The following EDIL3 variants were observed in gnomAD, a reference collection of about 807,000 sequenced individuals.
The protein encoded by EDIL3 is EGF-like repeat and discoidin I-like domain-containing protein 3.
In EDIL3, 37 loss-of-function variants were observed where a neutral mutation model predicts 67.4. The observed-to-expected ratio is 0.55, with a 90% CI of 0.42 to 0.72. The LOEUF (loss-of-function observed/expected upper bound fraction) is 0.72. Ranked by LOEUF, EDIL3 falls within the 30% of genes least tolerant of loss-of-function variation. The pLI, the probability that EDIL3 is intolerant of heterozygous loss-of-function variation, is 0.00. For synonymous variants in EDIL3, 195 were observed against 196.3 expected, an observed-to-expected ratio of 0.99 and a Z score of 0.05; for missense variants, 527 against 586.3, an observed-to-expected ratio of 0.90 and a Z score of 1.04.
intron 2 of EDIL3, among the ~76,000 whole-genome samples, chr5:84,248,131 T>A (rs2112068533): frequency 6.6e-6 from 1 of 152,234 alleles, no homozygotes; most frequent in Admixed American, 6.5e-5. Flanking sequence ...AATAGACAAA[T>A]GTTTGTTTTA....
chr5:84,181,404 C>A (rs897691556), intron 3 of EDIL3, among the ~76,000 whole-genome samples: 1 of 152,168 alleles, frequency 6.6e-6, no homozygotes, highest in East Asian at 1.9e-4. Context: ...GCTAGCTGGG[C>A]CAGTCGTGCC....
intron 5 of EDIL3, among the ~76,000 whole-genome samples, chr5:84,136,598 T>A (rs1748097617): frequency 6.6e-6 from 1 of 152,202 alleles, no homozygotes; most frequent in Admixed American, 6.5e-5. Flanking sequence ...ATAAGACAAA[T>A]AAATAGTGTG....
chr5:84,332,765 G>C (rs1455383285), intron 1 of EDIL3, among the ~76,000 whole-genome samples: 1 of 151,950 alleles, frequency 6.6e-6, no homozygotes, highest in Non-Finnish European at 1.5e-5. Flanking sequence ...TTATATTTAA[G>C]GTGCAAACAA....
At chr5:83,960,118 T>C (rs1367624927) in intron 10 of EDIL3, among the ~76,000 whole-genome samples, 1 of 151,040 alleles carries the variant, frequency 6.6e-6, no homozygotes, top group Non-Finnish European at 1.5e-5. Flanking sequence ...GCTTTTATCT[T>C]AGGCTTTTCT....
chr5:84,295,791 C>T (rs1375323763), intron 1 of EDIL3, among the ~76,000 whole-genome samples: 2 of 152,098 alleles, frequency 1.3e-5, no homozygotes, highest in East Asian at 3.8e-4. Context: ...GTTATACACA[C>T]ACCATTTGCT....
intron 2 of EDIL3, among the ~76,000 whole-genome samples, chr5:84,238,202 C>T (rs577593647): frequency 4.5e-4 from 68 of 151,930 alleles, no homozygotes; most frequent in African/African-American, 1.4e-3. Context: ...CATATGGTTA[C>T]AGTTATTTCA....
chr5:83,965,283 T>C (rs1380576663), intron 9 of EDIL3, among the ~76,000 whole-genome samples: 2 of 152,116 alleles, frequency 1.3e-5, no homozygotes, highest in Non-Finnish European at 2.9e-5. Context: ...CCTGGATTCA[T>C]AGTATTAGTA....
At chr5:84,229,034 C>A (rs1189245699) in intron 3 of EDIL3, among the ~76,000 whole-genome samples, 2 of 152,162 alleles carry the variant, frequency 1.3e-5, no homozygotes, top group Non-Finnish European at 2.9e-5. Flanking sequence ...CAACCACTAA[C>A]TGCCTACCTC....
chr5:84,080,115 C>CAAAAAAA (rs10566347), intron 6 of EDIL3, among the ~76,000 whole-genome samples: 70 of 52,964 alleles, frequency 1.3e-3, no homozygotes, highest in Non-Finnish European at 1.9e-3. Context: ...ACTAAAAATA[C>CAAAAAAA]AAAAAAAAAA....
chr5:84,287,128 T>C (rs1039354718), intron 1 of EDIL3, among the ~76,000 whole-genome samples: 1 of 152,168 alleles, frequency 6.6e-6, no homozygotes, highest in Non-Finnish European at 1.5e-5. Flanking sequence ...TTATATAATA[T>C]TGTTGAATGG....
At chr5:84,002,902 T>C (rs1417301107) in intron 9 of EDIL3, among the ~76,000 whole-genome samples, 1 of 152,102 alleles carries the variant, frequency 6.6e-6, no homozygotes, top group Non-Finnish European at 1.5e-5. Context: ...CCTGCTCTTC[T>C]CTAGGCAGGG....
chr5:84,001,164 A>C (rs1745323641), intron 9 of EDIL3, among the ~76,000 whole-genome samples: 1 of 152,108 alleles, frequency 6.6e-6, no homozygotes, highest in Non-Finnish European at 1.5e-5. Flanking sequence ...CTCCTGCCTC[A>C]GCCTCCTAAG....
At chr5:84,030,689 T>C (rs889138542) in intron 9 of EDIL3, among the ~76,000 whole-genome samples, 20 of 152,176 alleles carry the variant, frequency 1.3e-4, no homozygotes, top group Admixed American at 1.3e-3. Flanking sequence ...AATTCTATAA[T>C]AGCAGACTCA....
intron 9 of EDIL3, among the ~76,000 whole-genome samples, chr5:83,986,017 A>C (rs893241133): frequency 2.6e-5 from 4 of 152,108 alleles, no homozygotes; most frequent in Non-Finnish European, 5.9e-5. Context: ...AGAACACAAA[A>C]ATAAAACCTG....
chr5:83,968,767 T>G (rs747790873), intron 9 of EDIL3, among the ~76,000 whole-genome samples: 1 of 152,052 alleles, frequency 6.6e-6, no homozygotes. Context: ...AGCTTATAAC[T>G]ATTAATTTTT....
At chr5:84,170,341 C>T (rs777407033) in intron 4 of EDIL3, among the ~76,000 whole-genome samples, 2 of 152,170 alleles carry the variant, frequency 1.3e-5, no homozygotes, top group Non-Finnish European at 2.9e-5. Flanking sequence ...TTCCAACTCC[C>T]AAGAACATAG....
chr5:84,125,860 A>C (rs1747861142), intron 5 of EDIL3, among the ~76,000 whole-genome samples: 1 of 151,662 alleles, frequency 6.6e-6, no homozygotes, highest in South Asian at 2.1e-4. Flanking sequence ...GAGACTGAAA[A>C]GGTTCGGTTG....
chr5:84,249,141 T>C (rs943607024), intron 2 of EDIL3, among the ~76,000 whole-genome samples: 18 of 152,004 alleles, frequency 1.2e-4, no homozygotes, highest in Non-Finnish European at 2.5e-4. Flanking sequence ...TATGACATTA[T>C]ACCTTTTTTT....
At chr5:84,244,359 C>A (rs1744863284) in intron 2 of EDIL3, among the ~76,000 whole-genome samples, 2 of 152,110 alleles carry the variant, frequency 1.3e-5, no homozygotes, top group Admixed American at 1.3e-4. Context: ...CAACTCACTG[C>A]AACCTCTGCC....
Sources: gnomAD v4.1 joint callset for allele counts (sites outside exome capture counted in the v4.1 genomes callset) on GRCh38, gnomAD v4.1.1 for gene constraint, MANE v1.5 for transcripts, NCBI Gene and HGNC (gene_info 2026-07-23, HGNC 2026-07-21) for gene names.